ITFG1: variants seen among roughly 807,000 people sequenced by gnomAD.
The protein encoded by ITFG1 is T-cell immunomodulatory protein.
ITFG1 carries 34 observed loss-of-function variants against 81.8 expected under a neutral mutation model. The observed-to-expected ratio is 0.42, with a 90% CI of 0.32 to 0.55. The LOEUF (loss-of-function observed/expected upper bound fraction) is 0.55. Ranked by LOEUF, ITFG1 falls within the 20% of genes least tolerant of loss-of-function variation. The pLI, the probability that ITFG1 is intolerant of heterozygous loss-of-function variation, is 0.17. For missense variants in ITFG1, 672 were observed against 755.4 expected, an observed-to-expected ratio of 0.89 and a Z score of 1.29; for synonymous variants, 285 against 270.6, an observed-to-expected ratio of 1.05 and a Z score of -0.52.
chr16:47,262,575 T>C (rs1403215878), intron 10 of ITFG1, among the ~76,000 whole-genome samples: 1 of 152,252 alleles, frequency 6.6e-6, no homozygotes, highest in Non-Finnish European at 1.5e-5. Flanking sequence ...TTATTTTCCT[T>C]TGCAAAACTA....
intron 14 of ITFG1, among the ~76,000 whole-genome samples, chr16:47,186,867 G>T (rs1482436123): frequency 6.6e-6 from 1 of 152,154 alleles, no homozygotes; most frequent in African/African-American, 2.4e-5. Flanking sequence ...AAATCCCATT[G>T]TCTCAGCCCA....
intron 4 of ITFG1, 86 bp from the exon 5 acceptor site, chr16:47,451,556 AGTG>A (rs1969390213): frequency 1.4e-6 from 1 of 716,540 alleles, no homozygotes; most frequent in African/African-American, 1.8e-5. Context: ...ACTTTTGGGA[AGTG>A]TGGTAGACAT....
At chr16:47,374,259 A>T (rs552679081) in intron 7 of ITFG1, among the ~76,000 whole-genome samples, 10 of 152,216 alleles carry the variant, frequency 6.6e-5, no homozygotes, top group Non-Finnish European at 1.3e-4. Flanking sequence ...TTTAAAAGTT[A>T]CTTACTGATC....
At chr16:47,322,259 C>T (rs1282725614) in intron 8 of ITFG1, among the ~76,000 whole-genome samples, 1 of 152,072 alleles carries the variant, frequency 6.6e-6, no homozygotes, top group Non-Finnish European at 1.5e-5. Context: ...CATAGTAACG[C>T]TGGAAAGTGT....
chr16:47,360,967 C>T (rs1968101373), intron 8 of ITFG1, among the ~76,000 whole-genome samples: 1 of 152,132 alleles, frequency 6.6e-6, no homozygotes, highest in African/African-American at 2.4e-5. Flanking sequence ...GTGCTAGGTA[C>T]TGGGTGTACT....
chr16:47,243,578 A>T (rs558135783), intron 12 of ITFG1, among the ~76,000 whole-genome samples: 2 of 152,276 alleles, frequency 1.3e-5, no homozygotes, highest in South Asian at 4.1e-4. Flanking sequence ...ATATCCACTG[A>T]GAGATAAAAA....
intron 12 of ITFG1, among the ~76,000 whole-genome samples, chr16:47,241,457 A>G (rs758588035): frequency 1.1e-4 from 17 of 152,262 alleles, no homozygotes; most frequent in Non-Finnish European, 2.2e-4. Context: ...ACAGAATATT[A>G]TTTGGCAATT....
intron 8 of ITFG1, among the ~76,000 whole-genome samples, chr16:47,350,591 C>A (rs1265256882): frequency 6.6e-6 from 1 of 151,970 alleles, no homozygotes; most frequent in African/African-American, 2.4e-5. Flanking sequence ...CAACCAAAAA[C>A]AGTCCAGGAC....
chr16:47,264,281 C>T (rs1178301893), intron 10 of ITFG1, among the ~76,000 whole-genome samples: 1 of 151,778 alleles, frequency 6.6e-6, no homozygotes, highest in Non-Finnish European at 1.5e-5. Flanking sequence ...ATATATTTTT[C>T]TATAATATTT....
At chr16:47,372,910 A>G (rs1228710421) in intron 7 of ITFG1, among the ~76,000 whole-genome samples, 3 of 152,176 alleles carry the variant, frequency 2.0e-5, no homozygotes, top group Non-Finnish European at 2.9e-5. Context: ...TCCTAAATTT[A>G]CTATAAACTT....
At position 47,195,443 on chromosome 16, in the gene ITFG1, T is replaced by A. The variant is rs544104448; in HGVS notation, c.1453+23425A>T. Among the ~76,000 whole-genome samples the A allele has an allele frequency of 2.0e-5, 3 of 152,336 alleles. No homozygotes were observed. In the South Asian group the frequency reaches 6.2e-4, roughly 32 times the overall value. ...GCATTCCTGTCTCTCATGTCATTTA[T>A]CCATATGCCACAATCACCTAGTACA... On this transcript the variant is annotated intron_variant, in intron 14 of 17. Coordinates refer to ENST00000320640, the MANE Select transcript of ITFG1 (RefSeq NM_030790.5).
intron 17 of ITFG1, among the ~76,000 whole-genome samples, chr16:47,156,761 A>G (rs2151504104): frequency 6.6e-6 from 1 of 152,326 alleles, no homozygotes. Flanking sequence ...ATCAATCATG[A>G]GAAGGCTGGA....
chr16:47,294,863 G>T (rs1221065978), intron 10 of ITFG1, among the ~76,000 whole-genome samples: 2 of 152,060 alleles, frequency 1.3e-5, no homozygotes, highest in East Asian at 3.9e-4. Context: ...TCTTTCTATT[G>T]TCTGATTTCT....
intron 13 of ITFG1, among the ~76,000 whole-genome samples, chr16:47,228,223 A>G (rs1965777526): frequency 6.6e-6 from 1 of 152,232 alleles, no homozygotes; most frequent in Non-Finnish European, 1.5e-5. Context: ...AGTGAGTAAT[A>G]TTTTAAGGAA....
chr16:47,318,560 TAGA>T (rs146883677), intron 8 of ITFG1, among the ~76,000 whole-genome samples: 1 of 152,258 alleles, frequency 6.6e-6, no homozygotes, highest in East Asian at 1.9e-4. Context: ...TTACGCTCCA[TAGA>T]AGAATAGTTC....
intron 10 of ITFG1, among the ~76,000 whole-genome samples, chr16:47,289,157 T>C (rs1966882276): frequency 1.3e-5 from 2 of 152,226 alleles, no homozygotes; most frequent in South Asian, 4.1e-4. Flanking sequence ...ATCACATTTA[T>C]TGAATTGTAT....
At chr16:47,406,939 G>T (rs968566608) in intron 6 of ITFG1, among the ~76,000 whole-genome samples, 1 of 152,132 alleles carries the variant, frequency 6.6e-6, no homozygotes, top group Non-Finnish European at 1.5e-5. Context: ...AAGTCCTAAG[G>T]TTGGACCTTG....
chr16:47,181,565 C>T (rs1965122361), intron 14 of ITFG1, among the ~76,000 whole-genome samples: 1 of 133,692 alleles, frequency 7.5e-6, no homozygotes, highest in Non-Finnish European at 1.6e-5. Flanking sequence ...GGGGGGTCAG[C>T]CCCCCCGCCC....
intron 10 of ITFG1, among the ~76,000 whole-genome samples, chr16:47,307,793 T>G (rs1393378205): frequency 2.6e-5 from 4 of 152,166 alleles, no homozygotes; most frequent in Middle Eastern, 3.2e-3. Flanking sequence ...CTTGATCTCC[T>G]TCCTCTCTTC....
Sources: gnomAD v4.1 joint callset for allele counts (sites outside exome capture counted in the v4.1 genomes callset) on GRCh38, gnomAD v4.1.1 for gene constraint, MANE v1.5 for transcripts, NCBI Gene and HGNC (gene_info 2026-07-23, HGNC 2026-07-21) for gene names.